IDUA: variants seen among roughly 807,000 people sequenced by gnomAD.
IDUA encodes alpha-L-iduronidase.
A neutral mutation model predicts 68.9 loss-of-function variants in IDUA; 65 were observed. The ratio of observed to expected loss-of-function variants is 0.94; its 90% confidence interval spans 0.77 to 1.16. The LOEUF is 1.16. Ranked by LOEUF, IDUA falls within the 50% of genes most tolerant of loss-of-function variation. The pLI is 0.00. For synonymous variants in IDUA, 529 were observed against 433.6 expected, an observed-to-expected ratio of 1.22 and a Z score of -2.73; for missense variants, 1,046 against 938.0, an observed-to-expected ratio of 1.12 and a Z score of -1.50.
intron 2 of IDUA, 127 bp downstream of exon 2, chr4:988,076 G>C (rs1713887699): frequency 6.9e-7 from 1 of 1,457,838 alleles, no homozygotes; most frequent in South Asian, 1.4e-5. Flanking sequence ...CTGTTGGGGA[G>C]AGCGTGTCCT....
At chr4:997,426 C>A (rs1714805688) in intron 2 of IDUA, among the ~76,000 whole-genome samples, 1 of 150,884 alleles carries the variant, frequency 6.6e-6, no homozygotes, top group African/African-American at 2.4e-5. Context: ...GCACGCGCGG[C>A]CCCGCCCCGC....
chr4:990,290 T>C, intron 2 of IDUA: 2 of 1,603,322 alleles, frequency 1.2e-6, no homozygotes, highest in Admixed American at 1.7e-5. Context: ...GAGGCCCCCA[T>C]GGCAAAGCCA....
chr4:1,003,826 G>C (rs1203976620), intron 12 of IDUA, 186 bp from the exon 13 acceptor site: 2 of 779,936 alleles, frequency 2.6e-6, no homozygotes, highest in Non-Finnish European at 4.4e-6. Context: ...TCTCCTAGGG[G>C]ACATGAGATG....
chr4:988,125 A>G (rs1713892635), intron 2 of IDUA, 176 bp downstream of exon 2: 1 of 1,412,974 alleles, frequency 7.1e-7, no homozygotes, highest in Non-Finnish European at 9.2e-7. Context: ...TGCTGGAGGG[A>G]GCCCCTGCAT....
Position 1,002,783 on chromosome 4 carries a change from G to A in IDUA, c.1241G>A (p.Ser414Asn). 6.8e-7 allele frequency: 1 copy of A among 1,471,878 alleles called. No homozygotes were observed. Among genetic ancestry groups the A allele is most frequent in the South Asian group, 1.3e-5 (1 of 76,960 alleles). 91.2% of individuals were successfully genotyped at this position (1,471,878 alleles called of 1,614,324 possible). A position where few individuals can be genotyped will look rare whatever the true frequency, so the allele number is the denominator to read the frequency against. ...TCGCAGGCCGGGACCGTCCTGGACA[G>A]CAACCACACGGTGGGCGTCCTGGCC... ...EVSQAGTVLDSNHTVGVLASA... is the reference protein window; with the variant it reads ...EVSQAGTVLDNNHTVGVLASA... The change falls in exon 9 of 14, where the codon AGC becomes AAC. Residue 414 changes from serine (S) to asparagine (N), a missense_variant. Coordinates refer to ENST00000514224, the MANE Select transcript of IDUA (RefSeq NM_000203.5).
At position 1,003,378 on chromosome 4, in the gene IDUA, G is replaced by T. The variant is rs1274282916; in HGVS notation, c.1558G>T (p.Ala520Ser). 1 of 1,489,312 alleles carries T rather than the reference G, an allele frequency of 6.7e-7. No homozygotes were observed. Among genetic ancestry groups the T allele is most frequent in the South Asian group, 1.3e-5 (1 of 78,472 alleles). The allele number at this position is 1,489,312 out of a possible 1,614,324, so 92.3% of individuals were successfully genotyped here. Residue 520 changes from alanine (A) to serine (S), a missense_variant, in exon 11 of 14, where the codon GCC (alanine) becomes TCC (serine). Coordinates refer to ENST00000514224, the MANE Select transcript of IDUA (RefSeq NM_000203.5). ...PVAAAPRPLP[A>S]GGRLTLRPAL... ...GGCCGCGGCGCCCCGCCCCTTACCC[G>T]CCGGCGGCCGCCTGACCCTGCGCCC... is the stretch of plus-strand genomic sequence containing the variant.
At chr4:1,003,290 G>A (rs1209565950) in intron 10 of IDUA, 55 bp from the exon 11 acceptor site, 3 of 1,383,620 alleles carry the variant, frequency 2.2e-6, no homozygotes, top group African/African-American at 3.1e-5. Flanking sequence ...CCTGAGGTCG[G>A]GCCGAGCGTC....
chr4:1,001,229 G>T (rs971947703), intron 4 of IDUA: 14 of 622,328 alleles, frequency 2.2e-5, no homozygotes, highest in Non-Finnish European at 3.7e-5. Context: ...CTGGGGTGGG[G>T]GGTACTCCTG....
At position 999,069 on chromosome 4, in the gene IDUA, G is replaced by A. The variant is rs184343813; in HGVS notation, c.300-1543G>A. Among the ~76,000 whole-genome samples the A allele has an allele frequency of 9.3e-4, 142 of 152,196 alleles. 1 individual carries two copies. In the East Asian group the frequency reaches 0.02, roughly 21 times the overall value. On this transcript the variant is annotated intron_variant, in intron 2 of 13. Transcript: ENST00000514224. ...AATACAAAAAAATTAGCCGGGCGTG[G>A]TGGCGGGCGCCTGTAGTCCCAGCTA... is the stretch of plus-strand genomic sequence containing the variant.
intron 2 of IDUA, chr4:988,482 C>G: frequency 8.9e-7 from 1 of 1,123,008 alleles, no homozygotes. Context: ...CTCTTGGCAC[C>G]TTGGAGGCTG....
At chr4:993,096 G>A (rs1714497109) in intron 2 of IDUA, among the ~76,000 whole-genome samples, 1 of 152,136 alleles carries the variant, frequency 6.6e-6, no homozygotes, top group Non-Finnish European at 1.5e-5. Flanking sequence ...CCCCTTCCCT[G>A]GAAGACCCCA....
At chr4:1,002,195 CCA>C in intron 7 of IDUA, 34 bp downstream of exon 7, 1 of 1,565,130 alleles carries the variant, frequency 6.4e-7, no homozygotes, top group Non-Finnish European at 8.7e-7. Flanking sequence ...CGCCCCCCGG[CCA>C]CCTTCCTCCC....
chr4:1,003,637 G>C lies in IDUA; in HGVS notation c.1727+12G>C, dbSNP rs367982520. 6.2e-7 allele frequency: 1 copy of C among 1,612,224 alleles called. No individual in the cohort carries two copies. Among genetic ancestry groups the C allele is most frequent in the Middle Eastern group, 1.6e-4 (1 of 6,062 alleles). On this transcript the variant is annotated intron_variant, in intron 12 of 13. Transcript: ENST00000514224. ...CACGTGGGCTCCAAGTGCGTGAGTGGGGCCGCCCCTCCCTCTGCCTGGTCC... is the reference window on the plus strand; with the variant it reads ...CACGTGGGCTCCAAGTGCGTGAGTGCGGCCGCCCCTCCCTCTGCCTGGTCC...
chr4:991,087 G>A, intron 2 of IDUA: 1 of 1,505,336 alleles, frequency 6.6e-7, no homozygotes, highest in Non-Finnish European at 8.9e-7. Context: ...CTAAGGGGGG[G>A]TGCCCTGGGC....
Position 1,002,391 on chromosome 4 carries a change from C to T in IDUA, c.1095C>T (p.Leu365=). Reference sequence around the variant, plus strand: ...CGCACCCCTTCGCGCAGCGCACGCTCACCGCGCGCTTCCAGGTCAACAACA... The same window carrying T: ...CGCACCCCTTCGCGCAGCGCACGCTTACCGCGCGCTTCCAGGTCAACAACA... ...YHPHPFAQRT[L]TARFQVNNTR... The change falls in exon 8 of 14, where the codon CTC becomes CTT. Residue 365 remains leucine, a synonymous_variant. Coordinates refer to ENST00000514224, the MANE Select transcript of IDUA (RefSeq NM_000203.5). 6.2e-7 allele frequency: 1 copy of T among 1,606,864 alleles called. No homozygotes were observed. The highest frequency in any genetic ancestry group is 1.1e-5 in the South Asian group (1 of 90,266).
At chr4:1,002,656 G>A (rs1715168180) in intron 8 of IDUA, 76 bp from the exon 9 acceptor site, 2 of 1,226,336 alleles carry the variant, frequency 1.6e-6, no homozygotes, top group Non-Finnish European at 1.1e-6. Context: ...GGAGCGAGTG[G>A]TGGGAGGCCC....
Position 1,004,183 on chromosome 4 carries a change from G to A in IDUA, c.1828+71G>A. 6.2e-7 allele frequency: 1 copy of A among 1,610,114 alleles called. No homozygotes were observed. ...GGCCTCAGGGCAGTACTGGGTGGGG[G>A]CCTCGAGAAGCCTGGGGTCAGGGGG... On this transcript the variant is annotated intron_variant, in intron 13 of 13. Coordinates refer to ENST00000514224, the MANE Select transcript of IDUA (RefSeq NM_000203.5). This position sits in a 1 kb window ranked among gnomAD's most constrained non-coding sequence, Gnocchi z 5.0.
chr4:989,150 T>A lies in IDUA; in HGVS notation c.299+1201T>A, dbSNP rs373935098. On this transcript the variant is annotated intron_variant, in intron 2 of 13. Coordinates refer to ENST00000514224, the MANE Select transcript of IDUA (RefSeq NM_000203.5). Reference sequence around the variant, plus strand: ...GCGGGCACCAGCGCAGCCCTGGTGCTAACCGGGCCCAGGTCCTCGCCCTGG... The same window carrying A: ...GCGGGCACCAGCGCAGCCCTGGTGCAAACCGGGCCCAGGTCCTCGCCCTGG... 49 of 1,607,696 alleles carry A rather than the reference T, an allele frequency of 3.0e-5. 1 individual carries two copies. The highest frequency in any genetic ancestry group is 2.3e-4 in the Admixed American group (14 of 59,724).
chr4:1,001,338 G>C, intron 4 of IDUA, 130 bp from the exon 5 acceptor site: 1 of 845,448 alleles, frequency 1.2e-6, no homozygotes, highest in Non-Finnish European at 2.0e-6. Context: ...ATGTGGGGCG[G>C]GAGGCTGGCC....
Sources: allele counts gnomAD v4.1 joint callset (sites outside exome capture counted in the v4.1 genomes callset), GRCh38; gene constraint gnomAD v4.1.1; non-coding constraint Gnocchi (gnomAD v3.1); transcripts MANE v1.5; gene names NCBI Gene and HGNC (gene_info 2026-07-23, HGNC 2026-07-21).